Variants in APBA2 observed in about 807,000 individuals in gnomAD.
The protein encoded by APBA2 is amyloid-beta A4 precursor protein-binding family A member 2.
APBA2 carries 30 observed loss-of-function variants against 75.0 expected under a neutral mutation model. The observed-to-expected ratio is 0.40, with a 90% confidence interval of 0.30 to 0.54. The LOEUF is 0.54. Ranked by LOEUF, APBA2 falls within the 20% of genes least tolerant of loss-of-function variation. The pLI is 0.49. For missense variants in APBA2, 801 were observed against 1,016.1 expected (o/e 0.79, Z 2.88); for synonymous variants, 444 against 409.6 (o/e 1.08, Z -1.01).
Position 29,098,481 on chromosome 15 carries a change from CCTT to C in APBA2, c.1252-5_1252-3del, listed in dbSNP as rs753798463. 6.8e-6 allele frequency: 11 copies of C among 1,610,400 alleles called. No individual in the cohort carries two copies. The highest frequency in any genetic ancestry group is 7.6e-6 in the Non-Finnish European group (9 of 1,176,686). On this transcript the variant is annotated splice_region_variant and splice_polypyrimidine_tract_variant and intron_variant, in intron 8 of 14. Transcript: ENST00000683413. ...TTTGGACTTTAACAATATCCACTGT[CCTT>C]CTTAGAATTCTGAGGGGGATGCCCA...
intron 1 of APBA2, among the ~76,000 whole-genome samples, chr15:28,886,993 A>T (rs1439043304): frequency 1.3e-5 from 2 of 152,196 alleles, no homozygotes; most frequent in African/African-American, 4.8e-5. Context: ...TGGGCCGGGC[A>T]GCGGGCCTCG....
chr15:28,946,550 G>A (rs768753043), intron 2 of APBA2, among the ~76,000 whole-genome samples: 8 of 152,132 alleles, frequency 5.3e-5, no homozygotes, highest in South Asian at 2.1e-4. Flanking sequence ...GGAGACCTGC[G>A]TGGGATTCCT....
In APBA2 at chr15:28,903,482, T is replaced by C. The variant is rs546183825; in HGVS notation, c.-205+17204T>C. Among the ~76,000 whole-genome samples the C allele has an allele frequency of 5.3e-5, 8 of 152,356 alleles. No homozygotes were observed. In the East Asian group the frequency reaches 9.7e-4, roughly 18 times the overall value. On this transcript the variant is annotated intron_variant, in intron 1 of 14. Transcript: ENST00000683413. ...GACACAGAAAAACAGCCCTGGCCAC[T>C]GAAATGGCCATTTCAGCTTCAAGTT...
chr15:29,109,981 T>C (rs2044643555), intron 13 of APBA2, among the ~76,000 whole-genome samples: 1 of 152,218 alleles, frequency 6.6e-6, no homozygotes, highest in Admixed American at 6.5e-5. Flanking sequence ...GCTCGCCAGC[T>C]GGTGGTCTGG....
intron 2 of APBA2, among the ~76,000 whole-genome samples, chr15:28,942,853 C>T (rs1460063207): frequency 3.9e-5 from 6 of 152,136 alleles, no homozygotes; most frequent in South Asian, 2.1e-4. Context: ...GGCTTCTCCC[C>T]GGGCTGGGCC....
chr15:29,036,190 G>A (rs1039754712), intron 3 of APBA2, among the ~76,000 whole-genome samples: 1 of 152,138 alleles, frequency 6.6e-6, no homozygotes, highest in African/African-American at 2.4e-5. Context: ...TCCTTGCCCA[G>A]GCCTCAGTGC....
chr15:28,935,251 A>G (rs1242230496), intron 2 of APBA2, among the ~76,000 whole-genome samples: 1 of 152,188 alleles, frequency 6.6e-6, no homozygotes, highest in Non-Finnish European at 1.5e-5. Context: ...CTTCCATCCG[A>G]TGCACCTCGT....
At chr15:29,115,092 G>C (rs1312679480) in intron 14 of APBA2, among the ~76,000 whole-genome samples, 3 of 152,118 alleles carry the variant, frequency 2.0e-5, no homozygotes, top group South Asian at 2.1e-4. Context: ...CACGAGGCGG[G>C]AGGCTGAGAG....
At chr15:28,890,941 A>G (rs1311443042) in intron 1 of APBA2, among the ~76,000 whole-genome samples, 2 of 152,220 alleles carry the variant, frequency 1.3e-5, no homozygotes, top group African/African-American at 2.4e-5. Flanking sequence ...GAGGCACGTC[A>G]TAAACTCTAA....
At chr15:29,029,587 C>T (rs1345390028) in intron 3 of APBA2, among the ~76,000 whole-genome samples, 1 of 151,716 alleles carries the variant, frequency 6.6e-6, no homozygotes, top group East Asian at 1.9e-4. Context: ...CCAGGGGGAG[C>T]ATCATATTTA....
chr15:29,059,973 T>C (rs965062648), intron 4 of APBA2, among the ~76,000 whole-genome samples: 14 of 152,148 alleles, frequency 9.2e-5, no homozygotes, highest in African/African-American at 3.4e-4. Flanking sequence ...CAAGCCCTTT[T>C]CCCTCCATGC....
chr15:28,923,582 G>C (rs534451584), intron 2 of APBA2, among the ~76,000 whole-genome samples: 1 of 141,634 alleles, frequency 7.1e-6, no homozygotes, highest in African/African-American at 2.5e-5. Context: ...GGTGTGGGGT[G>C]GGGGGAGGGG....
At chr15:28,902,717 A>G (rs2032932402) in intron 1 of APBA2, among the ~76,000 whole-genome samples, 1 of 152,176 alleles carries the variant, frequency 6.6e-6, no homozygotes. Context: ...CTGTAAGTCT[A>G]GAACTGTTCT....
chr15:29,044,802 T>C (rs1426085837), intron 3 of APBA2, among the ~76,000 whole-genome samples: 6 of 152,228 alleles, frequency 3.9e-5, no homozygotes, highest in Non-Finnish European at 7.3e-5. Flanking sequence ...GTTAGTGTCT[T>C]AGTCAGCTCA....
chr15:29,033,964 CAAAAAAAAAAA>C (rs34808408), intron 3 of APBA2, among the ~76,000 whole-genome samples: 7 of 39,556 alleles, frequency 1.8e-4, no homozygotes, highest in Non-Finnish European at 3.0e-4. Flanking sequence ...GACTCCATCT[CAAAAAAAAAAA>C]AAAAAAAAAA....
chr15:29,071,913 C>CTGGG (rs1742018118), intron 4 of APBA2, among the ~76,000 whole-genome samples: 1 of 152,074 alleles, frequency 6.6e-6, no homozygotes, highest in Admixed American at 6.5e-5. Context: ...GGCCTCCGTA[C>CTGGG]TGGGGAGTCC....
intron 3 of APBA2, among the ~76,000 whole-genome samples, chr15:29,026,567 A>T (rs965824004): frequency 1.3e-5 from 2 of 152,168 alleles, no homozygotes; most frequent in African/African-American, 2.4e-5. Context: ...TTCTTCTGTA[A>T]AGAAGAGATT....
chr15:29,101,541 T>C, intron 9 of APBA2, 58 bp from the exon 10 acceptor site: 1 of 1,573,894 alleles, frequency 6.4e-7, no homozygotes, highest in Non-Finnish European at 8.6e-7. Context: ...CCTGGAGTAC[T>C]TTTCAATGGA....
chr15:28,919,155 C>G lies in APBA2; in HGVS notation c.-204-2485C>G, dbSNP rs546137313. On this transcript the variant is annotated intron_variant, in intron 1 of 14. Coordinates refer to ENST00000683413, the MANE Select transcript of APBA2 (RefSeq NM_001353788.2). ...GATTACAGGCGTGAGCCACTGCGCC[C>G]GGCCGGTTGTGGGGATTATCTGAGA... Among the ~76,000 whole-genome samples the G allele has an allele frequency of 2.6e-5, 4 of 152,196 alleles. No homozygotes were observed. In the East Asian group the frequency reaches 7.7e-4, roughly 29 times the overall value.
Sources: gnomAD v4.1 joint callset for allele counts (sites outside exome capture counted in the v4.1 genomes callset) on GRCh38, gnomAD v4.1.1 for gene constraint, MANE v1.5 for transcripts, NCBI Gene and HGNC (gene_info 2026-07-23, HGNC 2026-07-21) for gene names.